Variants in SNX18 observed in about 807,000 individuals in gnomAD.
SNX18 encodes the protein sorting nexin 18, also known as sorting nexin-18.
Under a neutral mutation model 48.7 loss-of-function variants are expected in SNX18, and 35 were observed. The observed-to-expected ratio is 0.72, with a 90% confidence interval of 0.55 to 0.95. The LOEUF (loss-of-function observed/expected upper bound fraction) is 0.95. SNX18 is among the 40% of genes least tolerant of loss of function. The pLI, the probability that SNX18 is intolerant of heterozygous loss-of-function variation, is 0.00. For synonymous variants in SNX18, 492 were observed against 384.7 expected (o/e 1.28, Z -3.26); for missense variants, 824 against 871.0 (o/e 0.95, Z 0.68).
chr5:54,623,301 T>C, the SNX18 span, among the ~76,000 whole-genome samples: 1 of 152,244 alleles, frequency 6.6e-6, no homozygotes, highest in South Asian at 2.1e-4. Context: ...TTTTTCTGAA[T>C]CCTCCAGAAC....
At chr5:54,543,146 A>C (rs781321370) in intron 1 of SNX18, 33 bp from the exon 2 acceptor site, 1 of 1,594,088 alleles carries the variant, frequency 6.3e-7, no homozygotes, top group South Asian at 1.1e-5. Context: ...GTGGATATAT[A>C]GGTTTTTAAT....
At chr5:54,554,791 C>G in the SNX18 span, among the ~76,000 whole-genome samples, 1 of 152,194 alleles carries the variant, frequency 6.6e-6, no homozygotes, top group Non-Finnish European at 1.5e-5. Flanking sequence ...AAGGGCAAGA[C>G]TTTCTGAGGA....
At chr5:54,519,781 A>T in intron 1 of SNX18, 2 of 1,614,052 alleles carry the variant, frequency 1.2e-6, no homozygotes, top group Non-Finnish European at 1.7e-6. Flanking sequence ...GCATTAGGGA[A>T]TGAGTACTCT....
chr5:54,639,623 G>A, the SNX18 span, among the ~76,000 whole-genome samples: 10 of 152,228 alleles, frequency 6.6e-5, no homozygotes, highest in East Asian at 1.9e-3. Context: ...AGAATCTTGA[G>A]GACCAGAAAT....
chr5:54,647,604 G>A, the SNX18 span, among the ~76,000 whole-genome samples: 24 of 152,276 alleles, frequency 1.6e-4, no homozygotes, highest in African/African-American at 4.8e-4. Context: ...CATGATCGTA[G>A]AGAACCCTGT....
chr5:54,571,899 A>G, the SNX18 span, among the ~76,000 whole-genome samples: 2 of 152,142 alleles, frequency 1.3e-5, no homozygotes, highest in African/African-American at 4.8e-5. Flanking sequence ...TCCCCTGTAA[A>G]TGATAGTGAA....
At chr5:54,525,466 A>G (rs751234550) in intron 1 of SNX18, among the ~76,000 whole-genome samples, 39 of 152,174 alleles carry the variant, frequency 2.6e-4, no homozygotes, top group Non-Finnish European at 1.0e-4. Context: ...TGCCACCAGA[A>G]TTGTAGGCAA....
At chr5:54,576,011 A>G in the SNX18 span, among the ~76,000 whole-genome samples, 1 of 152,222 alleles carries the variant, frequency 6.6e-6, no homozygotes, top group Non-Finnish European at 1.5e-5. Flanking sequence ...AAGTATACAC[A>G]TGCAAAAATT....
chr5:54,563,969 T>A, the SNX18 span, among the ~76,000 whole-genome samples: 1 of 152,310 alleles, frequency 6.6e-6, no homozygotes, highest in South Asian at 2.1e-4. Flanking sequence ...TAACATTTCC[T>A]TGTAAACATT....
chr5:54,559,303 A>T, the SNX18 span, among the ~76,000 whole-genome samples: 1 of 152,344 alleles, frequency 6.6e-6, no homozygotes, highest in East Asian at 1.9e-4. Context: ...TGGAGGCATC[A>T]TGCTACCCAA....
At chr5:54,624,604 C>T in the SNX18 span, among the ~76,000 whole-genome samples, 4 of 152,186 alleles carry the variant, frequency 2.6e-5, no homozygotes, top group African/African-American at 9.7e-5. Flanking sequence ...ATCAAGACTG[C>T]AAAGCCAACG....
At chr5:54,632,190 A>C in the SNX18 span, among the ~76,000 whole-genome samples, 1 of 152,324 alleles carries the variant, frequency 6.6e-6, no homozygotes, top group South Asian at 2.1e-4. Flanking sequence ...TCACCAGACA[A>C]GAACTCTGGC....
At chr5:54,583,872 G>T in the SNX18 span, among the ~76,000 whole-genome samples, 3 of 152,092 alleles carry the variant, frequency 2.0e-5, no homozygotes, top group Admixed American at 2.0e-4. Flanking sequence ...ACCCTGCCGG[G>T]TGTTCCAGGC....
chr5:54,623,865 C>A, the SNX18 span, among the ~76,000 whole-genome samples: 1 of 152,158 alleles, frequency 6.6e-6, no homozygotes, highest in East Asian at 1.9e-4. Flanking sequence ...CTTCAGCAGG[C>A]TCATTAGATG....
the SNX18 span, among the ~76,000 whole-genome samples, chr5:54,618,055 C>T: frequency 2.0e-5 from 3 of 152,152 alleles, no homozygotes; most frequent in Non-Finnish European, 4.4e-5. Flanking sequence ...ATAATCCCCA[C>T]ATGTCATGGG....
chr5:54,598,421 TAAAAC>T, the SNX18 span, among the ~76,000 whole-genome samples: 1 of 151,792 alleles, frequency 6.6e-6, no homozygotes, highest in East Asian at 1.9e-4. Context: ...CCGACAGAGA[TAAAAC>T]AAAAAAAGAA....
At chr5:54,623,714 T>C in the SNX18 span, among the ~76,000 whole-genome samples, 3 of 152,146 alleles carry the variant, frequency 2.0e-5, no homozygotes, top group Non-Finnish European at 4.4e-5. Context: ...CCAAAATGCA[T>C]GGGGTGCATG....
chr5:54,602,618 G>A, the SNX18 span, among the ~76,000 whole-genome samples: 3 of 152,110 alleles, frequency 2.0e-5, no homozygotes, highest in Non-Finnish European at 2.9e-5. Context: ...GTGTCAGAGC[G>A]GGAGTGAAAG....
Position 54,543,468 on chromosome 5 carries a change from A to T in SNX18, c.*36A>T. ...TTGGATTATGGACTTTTTCAGTTCAAGGATAATTTCTACAGCAGAATAAAA... is the reference window on the plus strand; with the variant it reads ...TTGGATTATGGACTTTTTCAGTTCATGGATAATTTCTACAGCAGAATAAAA... On this transcript the variant is annotated 3_prime_UTR_variant, in exon 2 of 2. Transcript: ENST00000381410. The T allele has an allele frequency of 6.2e-7, 1 of 1,600,494 alleles. No homozygotes were observed. The highest frequency in any genetic ancestry group is 8.5e-7 in the Non-Finnish European group (1 of 1,172,470).
Sources: allele counts gnomAD v4.1 joint callset (sites outside exome capture counted in the v4.1 genomes callset), GRCh38; gene constraint gnomAD v4.1.1; transcripts MANE v1.5; gene names NCBI Gene and HGNC (gene_info 2026-07-23, HGNC 2026-07-21).